SWT1: variants seen among roughly 807,000 people sequenced by gnomAD.
SWT1 encodes transcriptional protein SWT1.
Under a neutral mutation model 107.3 loss-of-function variants are expected in SWT1, and 33 were observed. That is an observed-to-expected ratio of 0.31 (90% CI 0.23 to 0.41). The LOEUF is 0.41. Ranked by LOEUF, SWT1 falls within the 10% of genes least tolerant of loss-of-function variation. SWT1 has a pLI of 1.00. For synonymous variants in SWT1, 345 were observed against 348.3 expected, an observed-to-expected ratio of 0.99 and a Z score of 0.11; for missense variants, 898 against 1,028.9, an observed-to-expected ratio of 0.87 and a Z score of 1.74.
chr1:185,172,408 A>G (rs1368867863), intron 4 of SWT1, among the ~76,000 whole-genome samples: 1 of 152,180 alleles, frequency 6.6e-6, no homozygotes, highest in East Asian at 1.9e-4. Flanking sequence ...ACATCCTTTT[A>G]AAAAACTGTG....
chr1:185,219,788 A>T (rs1046553157), intron 14 of SWT1, among the ~76,000 whole-genome samples: 120 of 152,134 alleles, frequency 7.9e-4, no homozygotes, highest in African/African-American at 2.8e-3. Flanking sequence ...CGTACTTTTC[A>T]CTGGCCATTC....
intron 15 of SWT1, among the ~76,000 whole-genome samples, chr1:185,226,184 G>C (rs1443744406): frequency 6.6e-6 from 1 of 152,108 alleles, no homozygotes. Context: ...TAATGTACAT[G>C]CATTTGTGTT....
At chr1:185,208,255 G>C (rs1658492403) in intron 13 of SWT1, among the ~76,000 whole-genome samples, 1 of 152,168 alleles carries the variant, frequency 6.6e-6, no homozygotes, top group Non-Finnish European at 1.5e-5. Context: ...TCTATGATAG[G>C]TGTACCTTAT....
intron 11 of SWT1, 51 bp from the exon 12 acceptor site, chr1:185,204,649 A>ACAT: frequency 2.0e-6 from 2 of 997,832 alleles, no homozygotes; most frequent in Non-Finnish European, 3.0e-6. Context: ...TTATATGTAT[A>ACAT]ATAATTACTG....
chr1:185,263,733 C>T (rs1663189524), intron 16 of SWT1: 1 of 152,162 alleles, frequency 6.6e-6, no homozygotes, highest in African/African-American at 2.4e-5. Context: ...TTGATTTCAG[C>T]TCCCATAGAT....
At chr1:185,210,457 A>G (rs1342689670) in intron 13 of SWT1, among the ~76,000 whole-genome samples, 1 of 152,144 alleles carries the variant, frequency 6.6e-6, no homozygotes, top group Non-Finnish European at 1.5e-5. Flanking sequence ...CAGTTTTCCT[A>G]ACACCATTTA....
At chr1:185,182,435 A>C (rs1298812221) in intron 7 of SWT1, among the ~76,000 whole-genome samples, 1 of 152,140 alleles carries the variant, frequency 6.6e-6, no homozygotes, top group Non-Finnish European at 1.5e-5. Flanking sequence ...TGGAAGGCTG[A>C]GATGGGAGGA....
At chr1:185,182,761 A>AT (rs551577508) in intron 7 of SWT1, among the ~76,000 whole-genome samples, 8 of 150,544 alleles carry the variant, frequency 5.3e-5, no homozygotes, top group Non-Finnish European at 8.9e-5. Flanking sequence ...AATTTTGATC[A>AT]TTTTTTTTGC....
At chr1:185,209,078 G>T (rs758056748) in intron 13 of SWT1, among the ~76,000 whole-genome samples, 1 of 152,120 alleles carries the variant, frequency 6.6e-6, no homozygotes, top group Non-Finnish European at 1.5e-5. Flanking sequence ...CATGCAAGAC[G>T]TGGATCATGA....
rs148675743 is a variant in SWT1 at position 185,168,321 on chromosome 1, C to CTAAATGATAGACTT, written c.166-18_166-17insAAATGATAGACTTT. On this transcript the variant is annotated intron_variant, in intron 3 of 18. Coordinates refer to ENST00000367500, the MANE Select transcript of SWT1 (RefSeq NM_017673.7). The stretch of plus-strand genomic sequence containing the variant: ...TGTACCAGTGCACAATTTATGTGTC[C>CTAAATGATAGACTT]TTTTTTTATTTATTTCAGAAATCAG... The CTAAATGATAGACTT allele has an allele frequency of 1.4e-6, 1 of 696,810 alleles. No homozygotes were observed. The highest frequency in any genetic ancestry group is 1.9e-6 in the Non-Finnish European group (1 of 536,986). The allele number at this position is 696,810 out of a possible 1,614,324, so 43.2% of individuals were successfully genotyped here.
At chr1:185,170,111 G>A (rs1654920295) in intron 4 of SWT1, among the ~76,000 whole-genome samples, 1 of 152,150 alleles carries the variant, frequency 6.6e-6, no homozygotes, top group Non-Finnish European at 1.5e-5. Flanking sequence ...TGGAGCCAAG[G>A]TAGAATTTGA....
chr1:185,255,462 T>G (rs946361803), intron 16 of SWT1, among the ~76,000 whole-genome samples: 3 of 134,850 alleles, frequency 2.2e-5, no homozygotes, highest in African/African-American at 9.4e-5. Context: ...ATCTTGGTGC[T>G]CCTGTATTGG....
At position 185,202,711 on chromosome 1, in the gene SWT1, A is replaced by T. The variant is rs762339063; in HGVS notation, c.1581A>T (p.Lys527Asn). ...TAAGTGGTGTGAAGTCACTCAGTAAAGAAGAATTGAGTGCAGAGTTATTAC... is the reference window on the plus strand; with the variant it reads ...TAAGTGGTGTGAAGTCACTCAGTAATGAAGAATTGAGTGCAGAGTTATTAC... ...GLISGVKSLS[K>N]EELSAELLHL... Residue 527 changes from lysine to asparagine, a missense_variant, in exon 11 of 19, where the codon AAA becomes AAT. By Grantham distance (94) the Lys-to-Asn change is moderately conservative. This residue lies in a region of SWT1 where 382 missense variants were observed against 460.0 expected (regional missense o/e 0.83). Transcript: ENST00000367500. 2.5e-6 allele frequency: 4 copies of T among 1,607,066 alleles called. No homozygotes were observed. Among genetic ancestry groups the T allele is most frequent in the Non-Finnish European group, 1.7e-6 (2 of 1,175,752 alleles).
chr1:185,169,874 A>G (rs951978677), intron 4 of SWT1, among the ~76,000 whole-genome samples: 3 of 152,112 alleles, frequency 2.0e-5, no homozygotes, highest in Non-Finnish European at 4.4e-5. Flanking sequence ...GCACAAACTT[A>G]TAGTTAATGA....
chr1:185,169,362 T>G (rs1654854023), intron 4 of SWT1, among the ~76,000 whole-genome samples: 1 of 152,078 alleles, frequency 6.6e-6, no homozygotes, highest in Non-Finnish European at 1.5e-5. Flanking sequence ...GACACATTTT[T>G]TGGCCCTTGA....
chr1:185,193,287 T>G (rs537754526), intron 10 of SWT1, among the ~76,000 whole-genome samples: 20 of 152,260 alleles, frequency 1.3e-4, no homozygotes, highest in Middle Eastern at 6.8e-3. Context: ...TCTTTTAAAT[T>G]TGTTAAAGTT....
At chr1:185,212,257 T>A (rs1290586309) in intron 13 of SWT1, among the ~76,000 whole-genome samples, 1 of 152,136 alleles carries the variant, frequency 6.6e-6, no homozygotes, top group African/African-American at 2.4e-5. Flanking sequence ...TCATATCTTT[T>A]ACCTGGGTCA....
intron 16 of SWT1, among the ~76,000 whole-genome samples, chr1:185,248,178 G>A (rs1355079993): frequency 1.3e-5 from 2 of 152,182 alleles, no homozygotes; most frequent in South Asian, 4.1e-4. Flanking sequence ...AAGAAGCAGA[G>A]GGTATCTGTA....
At chr1:185,159,649 T>C (rs933787598) in intron 1 of SWT1, among the ~76,000 whole-genome samples, 4 of 152,218 alleles carry the variant, frequency 2.6e-5, no homozygotes, top group Admixed American at 6.5e-5. Flanking sequence ...CAAGCAAGTA[T>C]GTATGTAGAC....
Sources: gnomAD v4.1 joint callset for allele counts (sites outside exome capture counted in the v4.1 genomes callset) on GRCh38, gnomAD v4.1.1 for gene constraint, gnomAD v4.1.1 regional missense constraint, MANE v1.5 for transcripts, NCBI Gene and HGNC (gene_info 2026-07-23, HGNC 2026-07-21) for gene names.